The following COL25A1 variants were observed in gnomAD, a reference collection of about 807,000 sequenced individuals.
COL25A1 encodes the protein collagen type XXV alpha 1 chain.
Under a neutral mutation model 128.4 loss-of-function variants are expected in COL25A1, and 103 were observed. The observed-to-expected ratio is 0.80, with a 90% CI of 0.68 to 0.94. COL25A1 has a LOEUF of 0.94. Ranked by LOEUF, COL25A1 falls within the 40% of genes least tolerant of loss-of-function variation. COL25A1 has a pLI of 0.00. For synonymous variants in COL25A1, 279 were observed against 277.2 expected, an observed-to-expected ratio of 1.01 and a Z score of -0.06; for missense variants, 745 against 840.0, an observed-to-expected ratio of 0.89 and a Z score of 1.40.
intron 3 of COL25A1, among the ~76,000 whole-genome samples, chr4:109,269,191 T>C (rs1782008244): frequency 6.6e-6 from 1 of 151,492 alleles, no homozygotes; most frequent in Non-Finnish European, 1.5e-5. Flanking sequence ...TGTTTGGTTT[T>C]TTGTTCTTGC....
chr4:108,920,725 T>C, intron 11 of COL25A1, 121 bp from the exon 12 acceptor site: 1 of 543,620 alleles, frequency 1.8e-6, no homozygotes, highest in South Asian at 5.5e-5. Flanking sequence ...TGACATTTCA[T>C]ATATCAGGAA....
chr4:108,835,050 AC>A (rs1733621782), intron 31 of COL25A1, among the ~76,000 whole-genome samples: 1 of 152,222 alleles, frequency 6.6e-6, no homozygotes, highest in South Asian at 2.1e-4. Context: ...GCAAAAAATA[AC>A]TTCCAAACTA....
intron 6 of COL25A1, among the ~76,000 whole-genome samples, chr4:108,980,771 G>A (rs907748744): frequency 7.9e-5 from 12 of 152,250 alleles, no homozygotes; most frequent in African/African-American, 2.6e-4. Context: ...AACTCCACAA[G>A]TTTCCTACTC....
At chr4:109,107,144 A>G (rs1163313553) in intron 3 of COL25A1, among the ~76,000 whole-genome samples, 1 of 152,208 alleles carries the variant, frequency 6.6e-6, no homozygotes, top group African/African-American at 2.4e-5. Flanking sequence ...CAAATTCAGT[A>G]TCCACCATAA....
In COL25A1 at chr4:108,863,302, G is replaced by C. The variant is rs760242876; in HGVS notation, c.1152+17C>G. 9.9e-6 allele frequency: 16 copies of C among 1,610,248 alleles called. 1 individual carries two copies. The South Asian group carries it at 1.4e-4, about 14-fold the overall frequency. ...CAAGCCAGAGAATGGTTATTTTCCA[G>C]TTTAAGAATAACTCACCTTTGGTCC... On this transcript the variant is annotated intron_variant, in intron 21 of 37. Transcript: ENST00000399132.
intron 5 of COL25A1, among the ~76,000 whole-genome samples, chr4:109,013,824 G>A (rs184638055): frequency 3.9e-5 from 6 of 152,264 alleles, no homozygotes; most frequent in Admixed American, 2.0e-4. Flanking sequence ...CCATCTTTAA[G>A]AACTGTAACA....
chr4:109,230,905 C>T (rs1212794273), intron 3 of COL25A1, among the ~76,000 whole-genome samples: 1 of 152,104 alleles, frequency 6.6e-6, no homozygotes, highest in Non-Finnish European at 1.5e-5. Context: ...CTTTGGGAGG[C>T]TGAGGTGGGC....
chr4:108,886,545 T>C (rs1184105906), intron 18 of COL25A1, among the ~76,000 whole-genome samples: 2 of 150,888 alleles, frequency 1.3e-5, no homozygotes, highest in African/African-American at 4.9e-5. Context: ...TCTTCCAATG[T>C]GCCCCAGGGA....
chr4:108,952,831 C>CTTTTTTTTT (rs59761040), intron 8 of COL25A1, among the ~76,000 whole-genome samples: 1 of 66,958 alleles, frequency 1.5e-5, no homozygotes. Context: ...AAAAACTCAA[C>CTTTTTTTTT]TTTTTTTTTT....
intron 8 of COL25A1, among the ~76,000 whole-genome samples, chr4:108,958,287 T>C (rs186193605): frequency 7.4e-4 from 112 of 152,140 alleles, no homozygotes; most frequent in African/African-American, 2.4e-3. Flanking sequence ...GTTAGAAATA[T>C]TTATAAGGGA....
chr4:109,059,093 T>C (rs1761709531), intron 3 of COL25A1, among the ~76,000 whole-genome samples: 1 of 152,102 alleles, frequency 6.6e-6, no homozygotes, highest in Non-Finnish European at 1.5e-5. Context: ...CTGTATCATG[T>C]GGGGGAAAAG....
At chr4:108,887,354 T>A (rs1385143089) in intron 18 of COL25A1, among the ~76,000 whole-genome samples, 1 of 152,198 alleles carries the variant, frequency 6.6e-6, no homozygotes, top group East Asian at 1.9e-4. Flanking sequence ...TTGAAGCGAT[T>A]CTGTACTCAG....
intron 16 of COL25A1, 144 bp from the exon 17 acceptor site, chr4:108,889,877 C>T: frequency 1.5e-6 from 1 of 646,812 alleles, no homozygotes; most frequent in Non-Finnish European, 2.8e-6. Context: ...GACTTTGTAC[C>T]AACATCTCAG....
At chr4:108,897,658 G>A (rs1742302544) in intron 15 of COL25A1, among the ~76,000 whole-genome samples, 1 of 152,164 alleles carries the variant, frequency 6.6e-6, no homozygotes, top group Non-Finnish European at 1.5e-5. Context: ...AGCTATTAAT[G>A]ATAACAATGC....
intron 3 of COL25A1, among the ~76,000 whole-genome samples, chr4:109,237,142 T>A (rs1779529997): frequency 6.6e-6 from 1 of 152,014 alleles, no homozygotes; most frequent in Non-Finnish European, 1.5e-5. Context: ...ATGCCCTATT[T>A]TATAAAAACA....
chr4:108,884,165 G>A lies in COL25A1; in HGVS notation c.1020+13C>T, dbSNP rs767342605. 1.9e-5 allele frequency: 31 copies of A among 1,613,018 alleles called. No homozygotes were observed. Among genetic ancestry groups the A allele is most frequent in the South Asian group, 5.5e-5 (5 of 91,050 alleles). On this transcript the variant is annotated intron_variant, in intron 19 of 37. Coordinates refer to ENST00000399132, the MANE Select transcript of COL25A1 (RefSeq NM_198721.4). ...CAGTTCTGTGAAGCCGAGACTGTCC[G>A]TGCAGTATTTACCTTTATCCCCGGA...
At chr4:109,295,286 C>G (rs976391241) in intron 3 of COL25A1, among the ~76,000 whole-genome samples, 2 of 152,030 alleles carry the variant, frequency 1.3e-5, no homozygotes, top group Admixed American at 6.6e-5. Flanking sequence ...GGCATTTTTA[C>G]CAGCTGTCAC....
chr4:108,872,851 A>G (rs1200183353), intron 19 of COL25A1, among the ~76,000 whole-genome samples: 1 of 152,078 alleles, frequency 6.6e-6, no homozygotes, highest in African/African-American at 2.4e-5. Flanking sequence ...ATTAACATGT[A>G]ATTGATTTTT....
At chr4:108,894,523 T>C (rs1741911188) in intron 16 of COL25A1, among the ~76,000 whole-genome samples, 1 of 152,176 alleles carries the variant, frequency 6.6e-6, no homozygotes, top group African/African-American at 2.4e-5. Context: ...ACATGAAAAT[T>C]ACATGAAATT....
Sources: gnomAD v4.1 joint callset for allele counts (sites outside exome capture counted in the v4.1 genomes callset) on GRCh38, gnomAD v4.1.1 for gene constraint, MANE v1.5 for transcripts, NCBI Gene and HGNC (gene_info 2026-07-23, HGNC 2026-07-21) for gene names.